CDKL4: variants seen among roughly 807,000 people sequenced by gnomAD.
CDKL4 encodes the protein cyclin dependent kinase like 4.
Under a neutral mutation model 42.0 loss-of-function variants are expected in CDKL4, and 44 were observed. The observed-to-expected ratio is 1.05, with a 90% confidence interval of 0.82 to 1.35. The LOEUF is 1.35. CDKL4 is among the 40% of genes most tolerant of loss of function. The probability of loss-of-function intolerance (pLI) is 0.00; values close to 1 mark genes in which losing one functional copy is unlikely to be tolerated. For synonymous variants in CDKL4, 120 were observed against 121.6 expected (o/e 0.99, Z 0.09); for missense variants, 393 against 369.9 (o/e 1.06, Z -0.51).
intron 1 of CDKL4, among the ~76,000 whole-genome samples, chr2:39,231,725 G>A (rs1009813354): frequency 4.6e-5 from 7 of 152,204 alleles, no homozygotes; most frequent in African/African-American, 1.4e-4. Flanking sequence ...GCTGGAAAGA[G>A]AGTAGGAGAA....
At chr2:39,221,356 C>T (rs1390894368) in intron 3 of CDKL4, among the ~76,000 whole-genome samples, 3 of 152,052 alleles carry the variant, frequency 2.0e-5, no homozygotes, top group Non-Finnish European at 2.9e-5. Context: ...ATTTATCCTA[C>T]GTGTTTCCTC....
At chr2:39,184,745 TG>T (rs1675624272) in intron 7 of CDKL4, 98 bp from the exon 8 acceptor site, 2 of 766,958 alleles carry the variant, frequency 2.6e-6, no homozygotes, top group Admixed American at 4.2e-5. Flanking sequence ...TGTGTGTGTG[TG>T]TATTTAGAGA....
intron 5 of CDKL4, among the ~76,000 whole-genome samples, chr2:39,196,988 T>G (rs79432149): frequency 0.016 from 2,477 of 152,204 alleles, 74 homozygotes; most frequent in African/African-American, 0.056. Flanking sequence ...AATCTCTGAA[T>G]TGGCAGAAAA....
chr2:39,222,567 G>A (rs1678442731), intron 3 of CDKL4, among the ~76,000 whole-genome samples: 1 of 152,088 alleles, frequency 6.6e-6, no homozygotes, highest in Non-Finnish European at 1.5e-5. Flanking sequence ...TCCAGCCTGG[G>A]CGACAGTGTG....
chr2:39,244,323 G>C (rs1412155319), upstream of CDKL4, among the ~76,000 whole-genome samples: 1 of 152,236 alleles, frequency 6.6e-6, no homozygotes, highest in African/African-American at 2.4e-5. Flanking sequence ...TTGCGGGCCA[G>C]CTGGAGTTCC....
downstream of CDKL4, among the ~76,000 whole-genome samples, chr2:39,174,390 A>T (rs1391877629): frequency 8.5e-6 from 1 of 117,888 alleles, no homozygotes; most frequent in Non-Finnish European, 2.0e-5. Flanking sequence ...ACAGAGCAAG[A>T]CCCTGTCTCA....
At chr2:39,174,575 A>G (rs1374038233), downstream of CDKL4, among the ~76,000 whole-genome samples, 1 of 152,232 alleles carries the variant, frequency 6.6e-6, no homozygotes, top group Non-Finnish European at 1.5e-5. Flanking sequence ...CAACAACAAT[A>G]TATCCTTAAC....
At chr2:39,224,245 C>G (rs1277797673) in intron 3 of CDKL4, among the ~76,000 whole-genome samples, 1 of 151,708 alleles carries the variant, frequency 6.6e-6, no homozygotes, top group African/African-American at 2.4e-5. Flanking sequence ...CCTTTTTTCT[C>G]GATTTAGTCT....
At chr2:39,195,236 T>C (rs1320224570) in intron 5 of CDKL4, among the ~76,000 whole-genome samples, 1 of 152,240 alleles carries the variant, frequency 6.6e-6, no homozygotes, top group Non-Finnish European at 1.5e-5. Flanking sequence ...TTTCCACCTT[T>C]TGTCATTGTG....
chr2:39,206,975 G>C (rs981658280), intron 4 of CDKL4, among the ~76,000 whole-genome samples: 2 of 152,162 alleles, frequency 1.3e-5, no homozygotes, highest in African/African-American at 4.8e-5. Context: ...CTGGTAACAG[G>C]AGCTTGTTCC....
intron 3 of CDKL4, among the ~76,000 whole-genome samples, chr2:39,221,532 T>C (rs905803779): frequency 6.6e-6 from 1 of 152,228 alleles, no homozygotes; most frequent in Non-Finnish European, 1.5e-5. Context: ...ATCATTGTTA[T>C]CTAGAAGTAC....
At chr2:39,207,721 C>T (rs1416569644) in intron 4 of CDKL4, among the ~76,000 whole-genome samples, 1 of 152,006 alleles carries the variant, frequency 6.6e-6, no homozygotes. Context: ...TCCAAAGAAA[C>T]AGGAAAATTT....
chr2:39,174,768 T>G (rs1236333346), downstream of CDKL4, among the ~76,000 whole-genome samples: 3 of 152,198 alleles, frequency 2.0e-5, no homozygotes, highest in Non-Finnish European at 4.4e-5. Flanking sequence ...TGCTATTATT[T>G]TATATGAGTT....
chr2:39,204,236 T>C (rs1677029471), intron 5 of CDKL4, among the ~76,000 whole-genome samples: 1 of 152,254 alleles, frequency 6.6e-6, no homozygotes, highest in Admixed American at 6.5e-5. Context: ...GTATTATTCT[T>C]TGTTTCTTTT....
chr2:39,191,310 A>G (rs1298930561), intron 5 of CDKL4, among the ~76,000 whole-genome samples: 1 of 152,142 alleles, frequency 6.6e-6, no homozygotes, highest in African/African-American at 2.4e-5. Context: ...GAGGCAGGAG[A>G]ATCACTTGAA....
chr2:39,195,054 A>C (rs550887967), intron 5 of CDKL4, among the ~76,000 whole-genome samples: 17 of 152,210 alleles, frequency 1.1e-4, no homozygotes, highest in African/African-American at 4.1e-4. Context: ...CGTAAATAGA[A>C]TCATACGATA....
At chr2:39,243,159 C>T (rs1172420915) in intron 1 of CDKL4, among the ~76,000 whole-genome samples, 3 of 59,002 alleles carry the variant, frequency 5.1e-5, no homozygotes, top group East Asian at 5.3e-4. Flanking sequence ...AAAGGAATGA[C>T]GAGGAAAAAG....
chr2:39,168,853 T>G, the CDKL4 span, among the ~76,000 whole-genome samples: 2 of 150,950 alleles, frequency 1.3e-5, no homozygotes, highest in East Asian at 3.9e-4. Context: ...GTCTCCTGGG[T>G]TCAAGCGATT....
intron 3 of CDKL4, among the ~76,000 whole-genome samples, chr2:39,214,107 G>C (rs1012898049): frequency 6.6e-6 from 1 of 152,046 alleles, no homozygotes; most frequent in Non-Finnish European, 1.5e-5. Flanking sequence ...ATTTTTAGTA[G>C]AGACGGGGTT....
Sources: gnomAD v4.1 joint callset for allele counts (sites outside exome capture counted in the v4.1 genomes callset) on GRCh38, gnomAD v4.1.1 for gene constraint, MANE v1.5 for transcripts, NCBI Gene and HGNC (gene_info 2026-07-23, HGNC 2026-07-21) for gene names.